ATP6V1A: variants seen among roughly 807,000 people sequenced by gnomAD.
ATP6V1A encodes V-type proton ATPase catalytic subunit A.
Under a neutral mutation model 70.1 loss-of-function variants are expected in ATP6V1A, and 18 were observed. That is an observed-to-expected ratio of 0.26 (90% CI 0.18 to 0.38). The LOEUF is 0.38. ATP6V1A is among the 10% of genes least tolerant of loss of function. The pLI, the probability that ATP6V1A is intolerant of heterozygous loss-of-function variation, is 1.00. For synonymous variants in ATP6V1A, 232 were observed against 253.8 expected (o/e 0.91, Z 0.82); for missense variants, 424 against 772.4 (o/e 0.55, Z 5.35).
At chr3:113,776,878 AC>A (rs1229922273) in intron 1 of ATP6V1A, among the ~76,000 whole-genome samples, 4 of 151,772 alleles carry the variant, frequency 2.6e-5, no homozygotes, top group Non-Finnish European at 4.4e-5. Context: ...TGTTATTGGC[AC>A]CCCCGCTACC....
intron 5 of ATP6V1A, among the ~76,000 whole-genome samples, chr3:113,785,861 TTTC>T (rs1709033645): frequency 6.8e-6 from 1 of 147,578 alleles, no homozygotes; most frequent in Non-Finnish European, 1.5e-5. Flanking sequence ...TACTTCTTTC[TTTC>T]TTTTTTTTTT....
intron 1 of ATP6V1A, among the ~76,000 whole-genome samples, chr3:113,768,179 C>G (rs939795518): frequency 6.6e-5 from 10 of 152,074 alleles, no homozygotes; most frequent in Admixed American, 2.6e-4. Flanking sequence ...ATAAGTTTTT[C>G]CTGATTGTTA....
At position 113,781,143 on chromosome 3, in the gene ATP6V1A, G is replaced by A. The variant is rs1379328654; in HGVS notation, c.176G>A (p.Gly59Asp). ...ELVGEIIRLEGDMATIQVYEE... is the reference protein window; with the variant it reads ...ELVGEIIRLEDDMATIQVYEE... ...GTTGGAGAGATTATTCGATTGGAGG[G>A]TGACATGGCTACTATTCAGGTGTAT... The change falls in exon 3 of 15, where the codon GGT (glycine) becomes GAT (aspartate). Residue 59 changes from glycine (G) to aspartate (D), a missense_variant. Gly to Asp is a moderately conservative substitution (Grantham distance 94). Transcript: ENST00000273398. 6.2e-7 allele frequency: 1 copy of A among 1,613,782 alleles called. No individual in the cohort carries two copies. The highest frequency in any genetic ancestry group is 1.7e-5 in the Admixed American group (1 of 59,976).
intron 2 of ATP6V1A, chr3:113,779,073 A>G (rs1708951734): frequency 6.6e-6 from 2 of 301,624 alleles, no homozygotes; most frequent in Non-Finnish European, 1.2e-5. Flanking sequence ...CCTGTTTATA[A>G]TTATGTAAAT....
intron 1 of ATP6V1A, among the ~76,000 whole-genome samples, chr3:113,750,832 A>G (rs1007021643): frequency 1.3e-5 from 2 of 152,236 alleles, no homozygotes; most frequent in African/African-American, 4.8e-5. Flanking sequence ...CCCTGTGAGC[A>G]GCAGGTTTGG....
At chr3:113,771,619 A>G (rs1363979677) in intron 1 of ATP6V1A, among the ~76,000 whole-genome samples, 1 of 151,742 alleles carries the variant, frequency 6.6e-6, no homozygotes. Context: ...TTGTATTTTC[A>G]GTAGACACGG....
At chr3:113,762,799 T>A (rs961221960) in intron 1 of ATP6V1A, among the ~76,000 whole-genome samples, 13 of 152,160 alleles carry the variant, frequency 8.5e-5, no homozygotes, top group African/African-American at 2.9e-4. Context: ...GGATTTCAGA[T>A]AAATTAATAC....
chr3:113,807,679 AAG>A (rs756046086), intron 14 of ATP6V1A, among the ~76,000 whole-genome samples: 1 of 152,202 alleles, frequency 6.6e-6, no homozygotes, highest in Non-Finnish European at 1.5e-5. Flanking sequence ...TATTCATAGA[AAG>A]AGGATGAAGA....
intron 1 of ATP6V1A, among the ~76,000 whole-genome samples, chr3:113,752,292 C>A (rs1708596638): frequency 2.0e-5 from 3 of 150,498 alleles, no homozygotes; most frequent in Admixed American, 2.0e-4. Flanking sequence ...TTTAAAGGTA[C>A]AATAGAGAAG....
In ATP6V1A at chr3:113,784,693, T is replaced by C. The variant is rs1179038592; in HGVS notation, c.427-3T>C. ...ATTAAACAGCAAATACATTTATCTC[T>C]AGGTTGGTAGTCATATCACTGGCGG... On this transcript the variant is annotated splice_region_variant and splice_polypyrimidine_tract_variant and intron_variant, in intron 4 of 14. Transcript: ENST00000273398. The C allele has an allele frequency of 6.2e-7, 1 of 1,613,750 alleles. No homozygotes were observed. The highest frequency in any genetic ancestry group is 1.1e-5 in the South Asian group (1 of 91,020).
In ATP6V1A at chr3:113,788,743, T is replaced by A. The variant is rs754012553; in HGVS notation, c.747T>A (p.Pro249=). ...TCCAGGGAGGAACTACTGCTATCCCTGGAGCCTTTGGCTGTGGAAAGACAG... is the reference window on the plus strand; with the variant it reads ...TCCAGGGAGGAACTACTGCTATCCCAGGAGCCTTTGGCTGTGGAAAGACAG... ...PCVQGGTTAI[P]GAFGCGKTVI... The change falls in exon 7 of 15, where the codon CCT becomes CCA. Residue 249 remains proline, a synonymous_variant. Transcript: ENST00000273398. The A allele has an allele frequency of 6.2e-7, 1 of 1,614,040 alleles. No homozygotes were observed. Among genetic ancestry groups the A allele is most frequent in the African/African-American group, 1.3e-5 (1 of 75,056 alleles).
Position 113,810,841 on chromosome 3 carries a change from T to C in ATP6V1A, c.*1414T>C, listed in dbSNP as rs906186020. 6.6e-6 allele frequency: 1 copy of C among 152,246 alleles called. No individual in the cohort carries two copies. Among genetic ancestry groups the C allele is most frequent in the East Asian group, 1.9e-4 (1 of 5,206 alleles). 9.4% of individuals were successfully genotyped at this position (152,246 alleles called of 1,614,324 possible). Reference sequence around the variant, plus strand: ...CAGCCAGTTGACCAATCATAGAAAGTATTACTTTCTTTCATATGGTTTTTG... The same window carrying C: ...CAGCCAGTTGACCAATCATAGAAAGCATTACTTTCTTTCATATGGTTTTTG... On this transcript the variant is annotated 3_prime_UTR_variant, in exon 15 of 15. Transcript: ENST00000273398.
chr3:113,774,812 CAAA>C (rs545106566), intron 1 of ATP6V1A, among the ~76,000 whole-genome samples: 1 of 93,114 alleles, frequency 1.1e-5, no homozygotes, highest in Non-Finnish European at 2.2e-5. Context: ...GACCCTGTCT[CAAA>C]AAAAAAAGAA....
At chr3:113,772,557 C>A (rs987143129) in intron 1 of ATP6V1A, among the ~76,000 whole-genome samples, 1 of 152,020 alleles carries the variant, frequency 6.6e-6, no homozygotes, top group African/African-American at 2.4e-5. Context: ...GAAATCCCGT[C>A]TCTACTAAAA....
chr3:113,752,466 G>A (rs1708597979), intron 1 of ATP6V1A, among the ~76,000 whole-genome samples: 2 of 151,784 alleles, frequency 1.3e-5, no homozygotes, highest in Non-Finnish European at 2.9e-5. Flanking sequence ...TATACCTTCT[G>A]TATATTTGAA....
intron 1 of ATP6V1A, among the ~76,000 whole-genome samples, chr3:113,750,944 A>AT (rs956845873): frequency 2.0e-5 from 3 of 152,168 alleles, no homozygotes; most frequent in Non-Finnish European, 4.4e-5. Context: ...AGATTTATTA[A>AT]TTTTATCTGA....
intron 1 of ATP6V1A, among the ~76,000 whole-genome samples, chr3:113,765,532 G>C (rs1201745294): frequency 2.6e-5 from 4 of 151,894 alleles, no homozygotes; most frequent in Non-Finnish European, 4.4e-5. Context: ...TTAAATCCGG[G>C]AGGTGGAGGT....
At position 113,809,403 on chromosome 3, in the gene ATP6V1A, T is replaced by C. The variant is rs780367116; in HGVS notation, c.1830T>C (p.Asn610=). ...CACAACTTCTTGAAGACATGCAGAA[T>C]GCATTCCGTAGCCTTGAAGATTAGA... The part of the protein sequence containing the change: ...DYAQLLEDMQ[N]AFRSLED The change falls in exon 15 of 15, where the codon AAT becomes AAC. Residue 610 remains asparagine (N), a synonymous_variant. Coordinates refer to ENST00000273398, the MANE Select transcript of ATP6V1A (RefSeq NM_001690.4). 4 of 1,613,868 alleles carry C rather than the reference T, an allele frequency of 2.5e-6. No homozygotes were observed. The East Asian group carries it at 8.9e-5, about 36-fold the overall frequency.
chr3:113,785,864 CTT>C (rs567833457), intron 5 of ATP6V1A, among the ~76,000 whole-genome samples: 1,391 of 130,728 alleles, frequency 0.011, 16 homozygotes, highest in Admixed American at 0.035. Flanking sequence ...TTCTTTCTTT[CTT>C]TTTTTTTTTT....
Sources: allele counts gnomAD v4.1 joint callset (sites outside exome capture counted in the v4.1 genomes callset), GRCh38; gene constraint gnomAD v4.1.1; transcripts MANE v1.5; gene names NCBI Gene and HGNC (gene_info 2026-07-23, HGNC 2026-07-21).